The following TMEM132C variants were observed in gnomAD, a reference collection of about 807,000 sequenced individuals.
TMEM132C encodes protein phosphatase 1, regulatory subunit 152.
In TMEM132C, 29 loss-of-function variants were observed where a neutral mutation model predicts 61.4. The ratio of observed to expected loss-of-function variants is 0.47; its 90% CI spans 0.35 to 0.64. The LOEUF is 0.64. Ranked by LOEUF, TMEM132C falls within the 30% of genes least tolerant of loss-of-function variation. The pLI, the probability that TMEM132C is intolerant of heterozygous loss-of-function variation, is 0.00. For missense variants in TMEM132C, 1,408 were observed against 1,476.9 expected, an observed-to-expected ratio of 0.95 and a Z score of 0.76; for synonymous variants, 656 against 633.1, an observed-to-expected ratio of 1.04 and a Z score of -0.54.
intron 1 of TMEM132C, among the ~76,000 whole-genome samples, chr12:128,395,116 T>C (rs968264594): frequency 2.0e-5 from 3 of 151,458 alleles, no homozygotes; most frequent in Non-Finnish European, 4.4e-5. Flanking sequence ...TGTTTCAGTT[T>C]CTTGTTATTG....
intron 4 of TMEM132C, among the ~76,000 whole-genome samples, chr12:128,651,977 A>G (rs76538088): frequency 0.047 from 7,154 of 152,170 alleles, 559 homozygotes; most frequent in African/African-American, 0.16. Flanking sequence ...TGAAGTTTTA[A>G]AGGGTTTTTA....
At chr12:128,668,574 A>G (rs1460076679) in intron 4 of TMEM132C, among the ~76,000 whole-genome samples, 1 of 152,220 alleles carries the variant, frequency 6.6e-6, no homozygotes, top group African/African-American at 2.4e-5. Context: ...TGCTGGGAGC[A>G]ATCCAGGATC....
intron 2 of TMEM132C, among the ~76,000 whole-genome samples, chr12:128,453,676 T>C (rs1314934053): frequency 6.6e-6 from 1 of 152,126 alleles, no homozygotes; most frequent in Non-Finnish European, 1.5e-5. Flanking sequence ...CTTCTGGAGC[T>C]GGGAGCAAAC....
In TMEM132C at chr12:128,622,361, ATATATATATAT is replaced by A. The variant is rs1246470743; in HGVS notation, c.1305+6027_1305+6037del. On this transcript the variant is annotated intron_variant, in intron 4 of 8. Transcript: ENST00000435159. ...TTTGTCTCAAAAAAAAAAAAAAAAAATATATATATATATATATATATATATATATATATATA... is the reference window on the plus strand; with the variant it reads ...TTTGTCTCAAAAAAAAAAAAAAAAAAATATATATATATATATATATATATA... 2.9e-3 allele frequency among the ~76,000 whole-genome samples: 109 copies of A among 38,174 alleles called. 13 individuals carry two copies. Among genetic ancestry groups the A allele is most frequent in the African/African-American group, 9.8e-3 (97 of 9,914 alleles). 25.0% of individuals were successfully genotyped at this position (38,174 alleles called of 152,430 possible). A position where few individuals can be genotyped will look rare whatever the true frequency, so the allele number is the denominator to read the frequency against.
chr12:128,503,939 C>T (rs1159416835), intron 2 of TMEM132C, among the ~76,000 whole-genome samples: 3 of 152,212 alleles, frequency 2.0e-5, no homozygotes, highest in East Asian at 1.9e-4. Context: ...GGCTTTGCCA[C>T]GTGGTTCTGG....
intron 1 of TMEM132C, among the ~76,000 whole-genome samples, chr12:128,300,062 G>A (rs982015978): frequency 6.6e-6 from 1 of 152,236 alleles, no homozygotes; most frequent in Admixed American, 6.5e-5. Context: ...AAGAGCAAGA[G>A]TAAACATGTT....
chr12:128,499,285 G>A (rs538111328), intron 2 of TMEM132C, among the ~76,000 whole-genome samples: 5 of 152,142 alleles, frequency 3.3e-5, no homozygotes, highest in African/African-American at 1.2e-4. Context: ...TTCTGGATAC[G>A]CAATAGTGTA....
rs1429386602 is a variant in TMEM132C at position 128,637,657 on chromosome 12, G to C, written c.1305+21322G>C. On this transcript the variant is annotated intron_variant, in intron 4 of 8. Transcript: ENST00000435159. ...GGGCTCCAGGAATCCTCCTGCTTCA[G>C]CCTCCTGAGTAACTGGATACCGTCT... Among the ~76,000 whole-genome samples, 3 of 152,266 alleles carry C rather than the reference G, an allele frequency of 2.0e-5. No homozygotes were observed. In the East Asian group the frequency reaches 5.8e-4, roughly 29 times the overall value.
chr12:128,295,075 G>T (rs903607990), intron 1 of TMEM132C, among the ~76,000 whole-genome samples: 16 of 145,122 alleles, frequency 1.1e-4, no homozygotes, highest in African/African-American at 3.6e-4. Flanking sequence ...AGAAAGAAAT[G>T]ATTTATCCTG....
chr12:128,405,296 G>A (rs1216138394), intron 1 of TMEM132C, among the ~76,000 whole-genome samples: 1 of 152,050 alleles, frequency 6.6e-6, no homozygotes, highest in Non-Finnish European at 1.5e-5. Context: ...GCTACCTCTG[G>A]GCTTCCCAAG....
At chr12:128,474,339 G>A (rs1400213142) in intron 2 of TMEM132C, among the ~76,000 whole-genome samples, 2 of 152,154 alleles carry the variant, frequency 1.3e-5, no homozygotes, top group Non-Finnish European at 2.9e-5. Flanking sequence ...ACCATTTGCA[G>A]GAAGTCTATG....
intron 4 of TMEM132C, among the ~76,000 whole-genome samples, chr12:128,656,964 G>C (rs1217371626): frequency 6.6e-6 from 1 of 152,132 alleles, no homozygotes; most frequent in African/African-American, 2.4e-5. Context: ...CAAGGTCTTT[G>C]TGTTGCTGCA....
chr12:128,390,931 C>A (rs1004478806), intron 1 of TMEM132C, among the ~76,000 whole-genome samples: 1 of 152,114 alleles, frequency 6.6e-6, no homozygotes, highest in South Asian at 2.1e-4. Context: ...TTCTAGCTTC[C>A]CAGGCTTTTA....
In TMEM132C at chr12:128,618,248, C is replaced by A. The variant is rs936308016; in HGVS notation, c.1305+1913C>A. 4.6e-5 allele frequency among the ~76,000 whole-genome samples: 7 copies of A among 152,242 alleles called. No homozygotes were observed. In the East Asian group the frequency reaches 9.6e-4, roughly 21 times the overall value. On this transcript the variant is annotated intron_variant, in intron 4 of 8. Transcript: ENST00000435159. Reference sequence around the variant, plus strand: ...TAAGAGTGTGAGATATTATAATGGTCCTTTTCAAGGGAGCACAGGTCTTCC... The same window carrying A: ...TAAGAGTGTGAGATATTATAATGGTACTTTTCAAGGGAGCACAGGTCTTCC...
chr12:128,461,561 C>T (rs541780938), intron 2 of TMEM132C, among the ~76,000 whole-genome samples: 1 of 152,148 alleles, frequency 6.6e-6, no homozygotes, highest in Non-Finnish European at 1.5e-5. Flanking sequence ...GGAGCTCCTT[C>T]CTCATGGCCC....
intron 1 of TMEM132C, among the ~76,000 whole-genome samples, chr12:128,387,025 C>CT (rs1239828172): frequency 6.6e-6 from 1 of 151,320 alleles, no homozygotes; most frequent in Non-Finnish European, 1.5e-5. Context: ...TCTGTGGTCC[C>CT]TGCTACTTGG....
intron 2 of TMEM132C, among the ~76,000 whole-genome samples, chr12:128,518,790 C>T (rs1872805710): frequency 6.6e-6 from 1 of 151,794 alleles, no homozygotes; most frequent in Non-Finnish European, 1.5e-5. Flanking sequence ...CAGGGACACA[C>T]CCTTATTTCA....
chr12:128,338,057 T>G (rs746626956), intron 1 of TMEM132C, among the ~76,000 whole-genome samples: 1 of 151,098 alleles, frequency 6.6e-6, no homozygotes, highest in African/African-American at 2.4e-5. Flanking sequence ...TTGAAGTCCT[T>G]GCACTCCGAG....
intron 2 of TMEM132C, among the ~76,000 whole-genome samples, chr12:128,473,366 CTATCTT>C: frequency 2.7e-5 from 4 of 147,590 alleles, no homozygotes; most frequent in East Asian, 3.9e-4. Context: ...ACTCCAGCCT[CTATCTT>C]CATCTTCACT....
Sources: allele counts gnomAD v4.1 joint callset (sites outside exome capture counted in the v4.1 genomes callset), GRCh38; gene constraint gnomAD v4.1.1; transcripts MANE v1.5; gene names NCBI Gene and HGNC (gene_info 2026-07-23, HGNC 2026-07-21).